The following SLMAP variants were observed in gnomAD, a reference collection of about 807,000 sequenced individuals.
SLMAP encodes sarcolemmal membrane-associated protein.
In SLMAP, 44 loss-of-function variants were observed where a neutral mutation model predicts 128.8. The observed-to-expected ratio is 0.34, with a 90% CI of 0.27 to 0.44. The LOEUF (loss-of-function observed/expected upper bound fraction) is 0.44, where lower values mean the gene tolerates loss of function less well. SLMAP is among the 20% of genes least tolerant of loss of function. The probability of loss-of-function intolerance (pLI) is 1.00; values close to 1 mark genes in which losing one functional copy is unlikely to be tolerated. For synonymous variants in SLMAP, 327 were observed against 348.8 expected (o/e 0.94, Z 0.70); for missense variants, 787 against 985.3 (o/e 0.80, Z 2.69).
At chr3:57,897,295 T>G in intron 17 of SLMAP, 1 of 320,190 alleles carries the variant, frequency 3.1e-6, no homozygotes, top group Non-Finnish European at 5.4e-6. Flanking sequence ...TTTACTCTGT[T>G]ATCATATGGT....
chr3:57,888,763 G>T lies in SLMAP; in HGVS notation c.1301-1278G>T, dbSNP rs184554112. Among the ~76,000 whole-genome samples, 59 of 152,244 alleles carry T rather than the reference G, an allele frequency of 3.9e-4. No homozygotes were observed. The East Asian group carries it at 9.2e-3, about 24-fold the overall frequency. ...CAATGTATTATTTAGAAATATAAAT[G>T]TAAGTATCAGAAGAAATGGCTAAAA... On this transcript the variant is annotated intron_variant, in intron 14 of 24. Transcript: ENST00000671191.
At chr3:57,805,948 A>G (rs2089731948) in intron 2 of SLMAP, among the ~76,000 whole-genome samples, 1 of 151,906 alleles carries the variant, frequency 6.6e-6, no homozygotes, top group Non-Finnish European at 1.5e-5. Flanking sequence ...CAGCTCCTTC[A>G]GGAATCCTCT....
In SLMAP at chr3:57,924,356, C is replaced by CT. The variant is rs886938323; in HGVS notation, c.2445+1343dup. Among the ~76,000 whole-genome samples, 1,088 of 146,442 alleles carry CT rather than the reference C, an allele frequency of 7.4e-3. 15 individuals are homozygous for CT. Among genetic ancestry groups the CT allele is most frequent in the African/African-American group, 0.025 (987 of 40,034 alleles). Reference sequence around the variant, plus strand: ...ATTGAAAGCCCTGAGACTCAGCTGCCTTTTTTTTTTCTTTTTTCTCTTTTT... The same window carrying CT: ...ATTGAAAGCCCTGAGACTCAGCTGCCTTTTTTTTTTTCTTTTTTCTCTTTTT... On this transcript the variant is annotated intron_variant, in intron 23 of 24. Coordinates refer to ENST00000671191, the MANE Select transcript of SLMAP (RefSeq NM_001377540.1).
chr3:57,791,517 A>G (rs2085452242), intron 2 of SLMAP, among the ~76,000 whole-genome samples: 1 of 152,204 alleles, frequency 6.6e-6, no homozygotes. Flanking sequence ...CTACTAAGAT[A>G]ACATCCCTGA....
intron 15 of SLMAP, among the ~76,000 whole-genome samples, chr3:57,895,915 G>C (rs1235533645): frequency 6.7e-6 from 1 of 150,360 alleles, no homozygotes; most frequent in Admixed American, 6.6e-5. Context: ...CTGCACTCCA[G>C]CCTGGACAAC....
chr3:57,882,808 C>A (rs1321360533), intron 14 of SLMAP, among the ~76,000 whole-genome samples: 1 of 152,120 alleles, frequency 6.6e-6, no homozygotes, highest in African/African-American at 2.4e-5. Context: ...AAATTACAAT[C>A]TTCTGATATG....
At chr3:57,865,156 G>T in intron 12 of SLMAP, 86 bp from the exon 13 acceptor site, 1 of 695,302 alleles carries the variant, frequency 1.4e-6, no homozygotes, top group South Asian at 2.1e-5. Context: ...TTAATCTTAG[G>T]AATGCAGAAT....
chr3:57,797,638 A>T (rs1045721111), intron 2 of SLMAP, among the ~76,000 whole-genome samples: 15 of 152,210 alleles, frequency 9.9e-5, no homozygotes, highest in Admixed American at 9.8e-4. Context: ...TCTGATTTCA[A>T]TAAGTATTTT....
At position 57,897,081 on chromosome 3, in the gene SLMAP, GT is replaced by G. The variant is rs1214300161; in HGVS notation, c.1501+153del. ...AAGTAGCAGGGACTAAAAATTTAAA[GT>G]TTTGGTGTTTATACCCAATATTTCA... On this transcript the variant is annotated intron_variant, in intron 17 of 24. Transcript: ENST00000671191. 2.8e-6 allele frequency: 4 copies of G among 1,406,060 alleles called. No individual in the cohort carries two copies. The African/African-American group carries it at 5.9e-5, about 21-fold the overall frequency. The allele number at this position is 1,406,060 out of a possible 1,614,324, so 87.1% of individuals were successfully genotyped here.
At chr3:57,841,886 G>A (rs187587401) in intron 4 of SLMAP, among the ~76,000 whole-genome samples, 233 of 152,128 alleles carry the variant, frequency 1.5e-3, no homozygotes, top group Non-Finnish European at 2.6e-3. Context: ...TTTAGAGGCC[G>A]ACATTTGAAA....
intron 3 of SLMAP, among the ~76,000 whole-genome samples, chr3:57,838,400 T>A (rs1379549037): frequency 6.6e-6 from 1 of 152,162 alleles, no homozygotes; most frequent in Non-Finnish European, 1.5e-5. Context: ...GTAAGAAACA[T>A]CTTTGCACAG....
At chr3:57,822,401 G>C (rs2092595381) in intron 2 of SLMAP, among the ~76,000 whole-genome samples, 1 of 152,052 alleles carries the variant, frequency 6.6e-6, no homozygotes, top group Non-Finnish European at 1.5e-5. Flanking sequence ...TGATGCCACG[G>C]AAAAAGGTAG....
chr3:57,843,498 G>T (rs1185173107), intron 4 of SLMAP, among the ~76,000 whole-genome samples: 1 of 150,930 alleles, frequency 6.6e-6, no homozygotes, highest in Admixed American at 6.6e-5. Context: ...GTAGAGATGG[G>T]TTTTACCATG....
intron 2 of SLMAP, among the ~76,000 whole-genome samples, chr3:57,784,458 C>T (rs1185908807): frequency 6.6e-6 from 1 of 152,148 alleles, no homozygotes; most frequent in Non-Finnish European, 1.5e-5. Context: ...CCCCTCTTTT[C>T]CTCATCCCTA....
intron 2 of SLMAP, among the ~76,000 whole-genome samples, chr3:57,799,249 T>C (rs933377010): frequency 6.6e-5 from 10 of 152,226 alleles, no homozygotes; most frequent in Non-Finnish European, 1.3e-4. Flanking sequence ...TAAATATACC[T>C]AGCTAACCCA....
intron 2 of SLMAP, among the ~76,000 whole-genome samples, chr3:57,824,646 C>T (rs181196298): frequency 6.6e-6 from 1 of 152,304 alleles, no homozygotes; most frequent in East Asian, 1.9e-4. Context: ...GTTTTGATTA[C>T]TGTACCTCTG....
intron 17 of SLMAP, among the ~76,000 whole-genome samples, chr3:57,906,300 C>CTTTTTTTTTTTTTTT (rs112949836): frequency 5.6e-5 from 4 of 71,266 alleles, no homozygotes; most frequent in African/African-American, 1.4e-4. Context: ...AAATTTTTTT[C>CTTTTTTTTTTTTTTT]TTTTTTTTTC....
chr3:57,865,228 T>C lies in SLMAP; in HGVS notation c.1187-14T>C. On this transcript the variant is annotated splice_polypyrimidine_tract_variant and intron_variant, in intron 12 of 24. Coordinates refer to ENST00000671191, the MANE Select transcript of SLMAP (RefSeq NM_001377540.1). ...CTTCTTTGATCAGGCAATGATATACTGTCTTAATCCTAGGGATACAAGTTG... is the reference window on the plus strand; with the variant it reads ...CTTCTTTGATCAGGCAATGATATACCGTCTTAATCCTAGGGATACAAGTTG... 1.4e-6 allele frequency: 2 copies of C among 1,400,736 alleles called. No individual in the cohort carries two copies. Among genetic ancestry groups the C allele is most frequent in the Non-Finnish European group, 9.8e-7 (1 of 1,024,928 alleles). The allele number at this position is 1,400,736 out of a possible 1,614,324, so 86.8% of individuals were successfully genotyped here.
At chr3:57,854,004 CATATA>C (rs1382569410) in intron 6 of SLMAP, among the ~76,000 whole-genome samples, 182 of 49,372 alleles carry the variant, frequency 3.7e-3, no homozygotes, top group African/African-American at 0.013. Flanking sequence ...TATATATTTA[CATATA>C]ATATATATTA....
Sources: gnomAD v4.1 joint callset for allele counts (sites outside exome capture counted in the v4.1 genomes callset) on GRCh38, gnomAD v4.1.1 for gene constraint, MANE v1.5 for transcripts, NCBI Gene and HGNC (gene_info 2026-07-23, HGNC 2026-07-21) for gene names.